Variants in NRG3 observed in about 807,000 individuals in gnomAD.
The protein encoded by NRG3 is neuregulin 3, also known as pro-neuregulin-3, membrane-bound isoform.
A neutral mutation model predicts 66.9 loss-of-function variants in NRG3; 31 were observed. That is an observed-to-expected ratio of 0.46 (90% CI 0.35 to 0.63). The LOEUF (loss-of-function observed/expected upper bound fraction) is 0.63, where lower values mean the gene tolerates loss of function less well. NRG3 is among the 20% of genes least tolerant of loss of function. The pLI, the probability that NRG3 is intolerant of heterozygous loss-of-function variation, is 0.00. For synonymous variants in NRG3, 393 were observed against 359.4 expected, an observed-to-expected ratio of 1.09 and a Z score of -1.06; for missense variants, 910 against 878.9, an observed-to-expected ratio of 1.04 and a Z score of -0.45.
intron 1 of NRG3, among the ~76,000 whole-genome samples, chr10:81,915,665 A>G (rs760945954): frequency 1.4e-4 from 22 of 152,118 alleles, no homozygotes; most frequent in Admixed American, 3.9e-4. Flanking sequence ...GAGAATACTG[A>G]GTTAGCTTCC....
chr10:82,556,532 G>T (rs1044563777), intron 2 of NRG3, among the ~76,000 whole-genome samples: 3 of 152,136 alleles, frequency 2.0e-5, no homozygotes, highest in African/African-American at 7.2e-5. Flanking sequence ...CCGACCAATG[G>T]CATCTGCCCT....
chr10:82,940,282 CA>C (rs1232790852), intron 4 of NRG3, among the ~76,000 whole-genome samples: 1 of 152,140 alleles, frequency 6.6e-6, no homozygotes, highest in Non-Finnish European at 1.5e-5. Context: ...GAGGTATTAG[CA>C]GACTTGGTTT....
intron 2 of NRG3, among the ~76,000 whole-genome samples, chr10:82,727,345 G>T (rs937884161): frequency 1.3e-5 from 2 of 152,158 alleles, no homozygotes; most frequent in Non-Finnish European, 2.9e-5. Flanking sequence ...AAATGGTTTT[G>T]TGGGCCAGGC....
intron 3 of NRG3, among the ~76,000 whole-genome samples, chr10:82,750,654 G>C (rs1294110046): frequency 6.6e-6 from 1 of 152,054 alleles, no homozygotes; most frequent in Non-Finnish European, 1.5e-5. Context: ...GTAATTTTAT[G>C]GTTGAGGCAA....
Position 82,149,365 on chromosome 10 carries a change from T to A in NRG3, c.824-209374T>A, listed in dbSNP as rs1036348742. ...CATGCCATAAATAAGAATTAAAAAG[T>A]TAATATAATTGATTAGCTAGGATGC... On this transcript the variant is annotated intron_variant, in intron 1 of 8. Coordinates refer to ENST00000372141, the MANE Select transcript of NRG3 (RefSeq NM_001010848.4). Among the ~76,000 whole-genome samples the A allele has an allele frequency of 5.9e-5, 9 of 152,148 alleles. 1 individual carries two copies. Among genetic ancestry groups the A allele is most frequent in the Non-Finnish European group, 1.3e-4 (9 of 68,020 alleles).
chr10:82,774,802 A>G (rs994683565), intron 3 of NRG3, among the ~76,000 whole-genome samples: 1 of 66,736 alleles, frequency 1.5e-5, no homozygotes, highest in African/African-American at 7.0e-5. Flanking sequence ...CCCCAGTTTT[A>G]TTTTCCTTTT....
rs376330521 is a variant in NRG3, at chr10:81,954,381, TTTTC to T, written c.823+78226_823+78229del. ...TTTTAATCTCATGGAAGTGAAGTTATTTTCTTTCTTTGATTGCATGCAATGGATG... is the reference window on the plus strand; with the variant it reads ...TTTTAATCTCATGGAAGTGAAGTTATTTTCTTTGATTGCATGCAATGGATG... On this transcript the variant is annotated intron_variant, in intron 1 of 8. Transcript: ENST00000372141. Among the ~76,000 whole-genome samples the T allele has an allele frequency of 1.2e-4, 18 of 152,346 alleles. No individual in the cohort carries two copies. In the East Asian group the frequency reaches 3.3e-3, roughly 28 times the overall value.
chr10:82,035,859 C>T (rs2062770433), intron 1 of NRG3, among the ~76,000 whole-genome samples: 1 of 152,108 alleles, frequency 6.6e-6, no homozygotes, highest in Admixed American at 6.6e-5. Flanking sequence ...TTAATTACCA[C>T]ATGTCATGAC....
chr10:81,946,456 C>G (rs1433923847), intron 1 of NRG3, among the ~76,000 whole-genome samples: 1 of 152,118 alleles, frequency 6.6e-6, no homozygotes, highest in Admixed American at 6.6e-5. Context: ...TAAAGGCACT[C>G]TTATATTTGT....
intron 1 of NRG3, among the ~76,000 whole-genome samples, chr10:82,073,409 A>C (rs987378026): frequency 2.0e-5 from 3 of 152,174 alleles, no homozygotes; most frequent in African/African-American, 7.2e-5. Context: ...ATCTGTCACA[A>C]ATTCTGTGAG....
chr10:81,944,483 A>G (rs1848666769), intron 1 of NRG3, among the ~76,000 whole-genome samples: 1 of 152,232 alleles, frequency 6.6e-6, no homozygotes, highest in Non-Finnish European at 1.5e-5. Flanking sequence ...AAGTGTTTTA[A>G]AAACTGAAAA....
intron 8 of NRG3, among the ~76,000 whole-genome samples, chr10:82,983,637 A>G (rs958037162): frequency 2.0e-5 from 3 of 152,200 alleles, no homozygotes; most frequent in Non-Finnish European, 2.9e-5. Flanking sequence ...CACCCATTAA[A>G]TGATAATAAT....
At chr10:82,388,484 G>T (rs574175650) in intron 2 of NRG3, among the ~76,000 whole-genome samples, 14 of 152,144 alleles carry the variant, frequency 9.2e-5, no homozygotes, top group African/African-American at 3.1e-4. Context: ...ATAGAACCCT[G>T]GATTTCCCTT....
At chr10:82,841,971 G>A (rs7915002) in intron 3 of NRG3, among the ~76,000 whole-genome samples, 304 of 152,290 alleles carry the variant, frequency 2.0e-3, no homozygotes, top group African/African-American at 7.0e-3. Flanking sequence ...AATGAATTTA[G>A]AAATACAGAA....
At chr10:82,696,707 G>GA (rs929916126) in intron 2 of NRG3, among the ~76,000 whole-genome samples, 2 of 150,552 alleles carry the variant, frequency 1.3e-5, no homozygotes, top group African/African-American at 5.0e-5. Context: ...CCAAGTCCAA[G>GA]AGTCAAGCAA....
chr10:81,942,085 A>G (rs1294969644), intron 1 of NRG3, among the ~76,000 whole-genome samples: 1 of 152,088 alleles, frequency 6.6e-6, no homozygotes, highest in Non-Finnish European at 1.5e-5. Flanking sequence ...ACTTTAAAAT[A>G]TATGCTTGGT....
chr10:82,581,348 G>A (rs1279363070), intron 2 of NRG3, among the ~76,000 whole-genome samples: 3 of 151,968 alleles, frequency 2.0e-5, no homozygotes, highest in Non-Finnish European at 4.4e-5. Flanking sequence ...TTCTCAGACA[G>A]ATACGTGTTT....
chr10:82,206,546 T>C (rs2075124492), intron 1 of NRG3, among the ~76,000 whole-genome samples: 1 of 152,140 alleles, frequency 6.6e-6, no homozygotes, highest in African/African-American at 2.4e-5. Flanking sequence ...TTCTCTTGTG[T>C]CTTCTAATCT....
chr10:82,075,550 A>G (rs2065043605), intron 1 of NRG3, among the ~76,000 whole-genome samples: 1 of 152,216 alleles, frequency 6.6e-6, no homozygotes, highest in African/African-American at 2.4e-5. Flanking sequence ...TCATCATGTA[A>G]TATGAAAAAA....
Sources: allele counts gnomAD v4.1 joint callset (sites outside exome capture counted in the v4.1 genomes callset), GRCh38; gene constraint gnomAD v4.1.1; transcripts MANE v1.5; gene names NCBI Gene and HGNC (gene_info 2026-07-23, HGNC 2026-07-21).